Variants in ZNF570 observed in about 807,000 individuals in gnomAD.
ZNF570 encodes the protein zinc finger protein 570.
Under a neutral mutation model 14.2 loss-of-function variants are expected in ZNF570, and 8 were observed. The ratio of observed to expected loss-of-function variants is 0.56; its 90% CI spans 0.33 to 1.02. The LOEUF is 1.02. ZNF570 is among the 50% of genes least tolerant of loss of function. The probability of loss-of-function intolerance (pLI) is 0.03; values close to 1 mark genes in which losing one functional copy is unlikely to be tolerated. For synonymous variants in ZNF570, 202 were observed against 207.6 expected, an observed-to-expected ratio of 0.97 and a Z score of 0.23; for missense variants, 559 against 624.9, an observed-to-expected ratio of 0.89 and a Z score of 1.12.
chr19:37,471,685 A>C (rs1357912786), intron 2 of ZNF570, among the ~76,000 whole-genome samples: 1 of 152,140 alleles, frequency 6.6e-6, no homozygotes, highest in African/African-American at 2.4e-5. Context: ...ACATCTTACA[A>C]ATGGAGTGAA....
rs1314190185 is a variant in ZNF570, at chr19:37,484,666, C to T, written c.1044C>T (p.His348=). 31 of 1,612,596 alleles carry T rather than the reference C, an allele frequency of 1.9e-5. No homozygotes were observed. The highest frequency in any genetic ancestry group is 4.0e-5 in the African/African-American group (3 of 74,400). ...AFSNRSSIAQ[H]QRVHTGEKPY... ...GCAACAGATCATCCATTGCTCAACACCAGAGAGTTCATACAGGAGAGAAAC... is the reference window on the plus strand; with the variant it reads ...GCAACAGATCATCCATTGCTCAACATCAGAGAGTTCATACAGGAGAGAAAC... Residue 348 remains histidine (H), a synonymous_variant, in exon 5 of 5, where the codon CAC becomes CAT. Transcript: ENST00000330173.
In ZNF570 at chr19:37,485,391, T is replaced by G. The variant is rs1351889540; in HGVS notation, c.*158T>G. ...TTTAAATCCATTTCCCACAATGCAC[T>G]CAAACGGATCTTTTTTTTCTTTTTT... On this transcript the variant is annotated 3_prime_UTR_variant, in exon 5 of 5. Transcript: ENST00000330173. 1 of 673,564 alleles carries G rather than the reference T, an allele frequency of 1.5e-6. No homozygotes were observed. Among genetic ancestry groups the G allele is most frequent in the Non-Finnish European group, 2.2e-6 (1 of 444,530 alleles). The allele number at this position is 673,564 out of a possible 1,614,324, so 41.7% of individuals were successfully genotyped here. A position where few individuals can be genotyped will look rare whatever the true frequency, so the allele number is the denominator to read the frequency against.
chr19:37,488,536 T>C lies in ZNF570; in HGVS notation c.*3303T>C, dbSNP rs2042179450. 1 of 152,190 alleles carries C rather than the reference T, an allele frequency of 6.6e-6. No homozygotes were observed. The allele number at this position is 152,190 out of a possible 1,614,324, so 9.4% of individuals were successfully genotyped here. A position where few individuals can be genotyped will look rare whatever the true frequency, so the allele number is the denominator to read the frequency against. ...CTTTTAAAAATAAGCAAATACTGTA[T>C]AGCCAATTCTTAAAATTTGATAAAG... On this transcript the variant is annotated 3_prime_UTR_variant, in exon 5 of 5. Transcript: ENST00000330173.
Position 37,487,293 on chromosome 19 carries a change from T to C in ZNF570, c.*2060T>C, listed in dbSNP as rs559979679. 12 of 149,600 alleles carry C rather than the reference T, an allele frequency of 8.0e-5. No individual in the cohort carries two copies. Among genetic ancestry groups the C allele is most frequent in the Admixed American group, 1.3e-4 (2 of 15,072 alleles). The allele number at this position is 149,600 out of a possible 1,614,324, so 9.3% of individuals were successfully genotyped here. On this transcript the variant is annotated 3_prime_UTR_variant, in exon 5 of 5. Coordinates refer to ENST00000330173, the MANE Select transcript of ZNF570 (RefSeq NM_144694.5). ...TTTAGAAGGCATGTAAAGTGTTCCATACTATAGAAAAATGTAAAGTTTTAA... is the reference window on the plus strand; with the variant it reads ...TTTAGAAGGCATGTAAAGTGTTCCACACTATAGAAAAATGTAAAGTTTTAA...
At chr19:37,480,312 C>T (rs7255140) in intron 4 of ZNF570, among the ~76,000 whole-genome samples, 31,662 of 151,820 alleles carry the variant, frequency 0.21, 3,534 homozygotes, top group South Asian at 0.32. Flanking sequence ...GGTGAAACCC[C>T]GTCTCTACTA....
intron 2 of ZNF570, among the ~76,000 whole-genome samples, chr19:37,471,809 A>G (rs1250335445): frequency 6.6e-6 from 1 of 152,172 alleles, no homozygotes; most frequent in Non-Finnish European, 1.5e-5. Context: ...GAATTAGGGA[A>G]CTCAACTAGG....
At chr19:37,469,205 C>A, upstream of ZNF570, 1 of 1,283,136 alleles carries the variant, frequency 7.8e-7, no homozygotes, top group Admixed American at 3.6e-5. Context: ...GGGAGGAGGC[C>A]GTGTTACAAA....
chr19:37,470,185 G>A lies in ZNF570; in HGVS notation c.-51-119G>A, dbSNP rs189239800. ...AAACAAATTCCTAGGTCTCCATTAT[G>A]CTCTCTCTATTGGAGGGAAGGTTGC... On this transcript the variant is annotated intron_variant, in intron 1 of 4. Coordinates refer to ENST00000330173, the MANE Select transcript of ZNF570 (RefSeq NM_144694.5). The A allele has an allele frequency of 1.4e-4, 117 of 819,186 alleles. 1 individual carries two copies. In the East Asian group the frequency reaches 3.0e-3, roughly 21 times the overall value. 50.7% of individuals were successfully genotyped at this position (819,186 alleles called of 1,614,324 possible). A position where few individuals can be genotyped will look rare whatever the true frequency, so the allele number is the denominator to read the frequency against.
At chr19:37,480,327 T>C (rs2042072775) in intron 4 of ZNF570, among the ~76,000 whole-genome samples, 1 of 151,708 alleles carries the variant, frequency 6.6e-6, no homozygotes, top group African/African-American at 2.4e-5. Context: ...CTACTAAAAA[T>C]ACAAAAATTA....
intron 2 of ZNF570, among the ~76,000 whole-genome samples, chr19:37,471,929 T>C (rs1284420861): frequency 1.3e-5 from 2 of 151,550 alleles, no homozygotes; most frequent in Non-Finnish European, 2.9e-5. Context: ...TTTTTTTTTT[T>C]TTTGAGATGG....
Position 37,483,905 on chromosome 19 carries a change from G to T in ZNF570, c.283G>T (p.Glu95Ter), listed in dbSNP as rs756858149. ...SGWEPICETE[E>*]LTPKQDFYEE... ...CTGGGAGCCTATATGTGAGACTGAAGAATTAACCCCAAAGCAGGATTTTTA... is the reference window on the plus strand; with the variant it reads ...CTGGGAGCCTATATGTGAGACTGAATAATTAACCCCAAAGCAGGATTTTTA... Residue 95 changes from glutamate to a stop codon, truncating the protein, a stop_gained, in exon 5 of 5, where the codon GAA becomes TAA. Coordinates refer to ENST00000330173, the MANE Select transcript of ZNF570 (RefSeq NM_144694.5). LOFTEE classifies it low-confidence loss of function (END_TRUNC). The T allele has an allele frequency of 6.2e-6, 10 of 1,611,524 alleles. No individual in the cohort carries two copies. In the Admixed American group the frequency reaches 6.7e-5, roughly 11 times the overall value.
At chr19:37,474,606 C>T (rs1458373482) in intron 2 of ZNF570, among the ~76,000 whole-genome samples, 4 of 151,842 alleles carry the variant, frequency 2.6e-5, no homozygotes, top group East Asian at 1.9e-4. Flanking sequence ...ATTATAGGTG[C>T]GCACCACTAT....
At position 37,469,548 on chromosome 19, in the gene ZNF570, G is replaced by A; in HGVS notation, c.-61G>A. The A allele has an allele frequency of 6.5e-7, 1 of 1,536,416 alleles. No homozygotes were observed. The highest frequency in any genetic ancestry group is 8.7e-7 in the Non-Finnish European group (1 of 1,146,904). ...CGCAGGCCATCTGTGTGACTCCGGT[G>A]CGAGTGGAGGTTGGTACCGTTCAGT... On this transcript the variant is annotated 5_prime_UTR_variant, in exon 1 of 5. Transcript: ENST00000330173.
At chr19:37,476,753 AGGCT>A (rs1249534558) in intron 4 of ZNF570, among the ~76,000 whole-genome samples, 39 of 123,958 alleles carry the variant, frequency 3.1e-4, no homozygotes, top group Non-Finnish European at 5.5e-4. Flanking sequence ...TCTGTCACCC[AGGCT>A]GGAGTGCAGT....
At chr19:37,467,909 T>A, upstream of ZNF570, 1 of 1,536,148 alleles carries the variant, frequency 6.5e-7, no homozygotes, top group Admixed American at 2.0e-5. Context: ...GTATTTGTTC[T>A]TTCTGGACTT....
In ZNF570 at chr19:37,486,140, T is replaced by C. The variant is rs914510930; in HGVS notation, c.*907T>C. On this transcript the variant is annotated 3_prime_UTR_variant, in exon 5 of 5. Coordinates refer to ENST00000330173, the MANE Select transcript of ZNF570 (RefSeq NM_144694.5). Reference sequence around the variant, plus strand: ...CTTGTTATTGTTCTTAGACTAATATTCACAGCCTTTAAAATTGTCTGCAAG... The same window carrying C: ...CTTGTTATTGTTCTTAGACTAATATCCACAGCCTTTAAAATTGTCTGCAAG... The C allele has an allele frequency of 1.3e-5, 2 of 152,060 alleles. No individual in the cohort carries two copies. The highest frequency in any genetic ancestry group is 4.8e-5 in the African/African-American group (2 of 41,414). The allele number at this position is 152,060 out of a possible 1,614,324, so 9.4% of individuals were successfully genotyped here. A position where few individuals can be genotyped will look rare whatever the true frequency, so the allele number is the denominator to read the frequency against.
chr19:37,477,357 T>G (rs1293797105), intron 4 of ZNF570, among the ~76,000 whole-genome samples: 2 of 149,626 alleles, frequency 1.3e-5, no homozygotes, highest in African/African-American at 4.9e-5. Context: ...TTTTTTTTTT[T>G]GAGACAGAGT....
At chr19:37,471,009 ATTTTTTTT>A (rs764609936) in intron 2 of ZNF570, among the ~76,000 whole-genome samples, 1 of 84,372 alleles carries the variant, frequency 1.2e-5, no homozygotes, top group African/African-American at 5.8e-5. Flanking sequence ...CAGTGAGTAC[ATTTTTTTT>A]TTTTTTTTTT....
intron 2 of ZNF570, among the ~76,000 whole-genome samples, chr19:37,473,864 A>C (rs1374529868): frequency 6.6e-6 from 1 of 152,258 alleles, no homozygotes; most frequent in Non-Finnish European, 1.5e-5. Context: ...ATCAGAAATT[A>C]GTAGATATAT....
Sources: allele counts gnomAD v4.1 joint callset (sites outside exome capture counted in the v4.1 genomes callset), GRCh38; gene constraint gnomAD v4.1.1; transcripts MANE v1.5; gene names NCBI Gene and HGNC (gene_info 2026-07-23, HGNC 2026-07-21).